Variants in RNLS observed in about 807,000 individuals in gnomAD.
RNLS encodes the protein renalase, FAD dependent amine oxidase.
A neutral mutation model predicts 39.8 loss-of-function variants in RNLS; 39 were observed. That is an observed-to-expected ratio of 0.98 (90% confidence interval 0.76 to 1.28). The LOEUF (loss-of-function observed/expected upper bound fraction) is 1.28. RNLS is among the 50% of genes most tolerant of loss of function. The pLI, the probability that RNLS is intolerant of heterozygous loss-of-function variation, is 0.00. For missense variants in RNLS, 410 were observed against 413.3 expected, an observed-to-expected ratio of 0.99 and a Z score of 0.07; for synonymous variants, 147 against 150.7, an observed-to-expected ratio of 0.98 and a Z score of 0.18.
chr10:88,310,822 AAAAAAG>A (rs1462484552), intron 6 of RNLS, among the ~76,000 whole-genome samples: 9 of 146,122 alleles, frequency 6.2e-5, no homozygotes, highest in Admixed American at 4.7e-4. Flanking sequence ...AAAAAAAAAA[AAAAAAG>A]AAAGAAAAGG....
At chr10:88,257,144 C>A in the RNLS span, among the ~76,000 whole-genome samples, 1 of 152,114 alleles carries the variant, frequency 6.6e-6, no homozygotes, top group Non-Finnish European at 1.5e-5. Flanking sequence ...TCCCCACGTT[C>A]AAAATCAGTT....
Position 88,395,063 on chromosome 10 carries a change from G to C in RNLS, c.527-32338C>G, listed in dbSNP as rs150180134. On this transcript the variant is annotated intron_variant, in intron 4 of 6. Transcript: ENST00000331772. ...TGTTGTGGGGTGGGGGGACGGGAGA[G>C]GGATAGCATTAGGAGATATACCTAA... Among the ~76,000 whole-genome samples, 181 of 152,080 alleles carry C rather than the reference G, an allele frequency of 1.2e-3. 1 individual carries two copies. Among genetic ancestry groups the C allele is most frequent in the Non-Finnish European group, 1.5e-3 (104 of 67,978 alleles).
Position 88,418,972 on chromosome 10 carries a change from G to A in RNLS, c.527-56247C>T, listed in dbSNP as rs959980794. 3.3e-5 allele frequency among the ~76,000 whole-genome samples: 5 copies of A among 152,154 alleles called. 1 individual carries two copies. Among genetic ancestry groups the A allele is most frequent in the Non-Finnish European group, 7.4e-5 (5 of 68,022 alleles). On this transcript the variant is annotated intron_variant, in intron 4 of 6. Transcript: ENST00000331772. ...CTTAATGACTTTGCTCTGAGAGCCT[G>A]GCCTACTTTCTCCTGTTCTCTCTTG...
At chr10:88,422,444 G>C (rs1011919190) in intron 4 of RNLS, among the ~76,000 whole-genome samples, 2 of 152,164 alleles carry the variant, frequency 1.3e-5, no homozygotes, top group East Asian at 1.9e-4. Context: ...ATTAGAAATG[G>C]AATTTTGTGA....
At chr10:88,259,019 A>G in the RNLS span, 6 of 152,256 alleles carry the variant, frequency 3.9e-5, no homozygotes, top group Non-Finnish European at 8.8e-5. Flanking sequence ...GGAGACTTAA[A>G]TCATTCTGTA....
At chr10:88,581,815 A>G in intron 2 of RNLS, 106 bp from the exon 3 acceptor site, 2 of 690,768 alleles carry the variant, frequency 2.9e-6, no homozygotes, top group Non-Finnish European at 4.4e-6. Context: ...TCAAAATCAA[A>G]ATTAGATATC....
In RNLS at chr10:88,359,115, C is replaced by A. The variant is rs1849427583; in HGVS notation, c.700+3437G>T. ...ATCATTTGAGGTCAGGGGTTCAAGA[C>A]CAGACTGGCCAACTTGGTGAAGCCC... On this transcript the variant is annotated intron_variant, in intron 5 of 6. Coordinates refer to ENST00000331772, the MANE Select transcript of RNLS (RefSeq NM_001031709.3). Among the ~76,000 whole-genome samples the A allele has an allele frequency of 6.6e-5, 10 of 152,156 alleles. No individual in the cohort carries two copies. In the South Asian group the frequency reaches 2.1e-3, roughly 32 times the overall value.
At chr10:88,438,550 G>T (rs186122092) in intron 4 of RNLS, among the ~76,000 whole-genome samples, 2 of 152,344 alleles carry the variant, frequency 1.3e-5, no homozygotes, top group African/African-American at 4.8e-5. Context: ...TGTGTAAGAA[G>T]TAATCTTGGT....
downstream of RNLS, among the ~76,000 whole-genome samples, chr10:88,281,259 C>G (rs368709727): frequency 1.6e-4 from 25 of 152,264 alleles, no homozygotes; most frequent in African/African-American, 5.8e-4. Flanking sequence ...AGTTTGGATT[C>G]TGAAGTCAGC....
intron 4 of RNLS, among the ~76,000 whole-genome samples, chr10:88,394,153 A>G (rs1171743656): frequency 6.6e-6 from 1 of 152,202 alleles, no homozygotes; most frequent in Non-Finnish European, 1.5e-5. Flanking sequence ...CATGTCTAAA[A>G]CACCAAAAGC....
chr10:88,233,899 T>A, the RNLS span, among the ~76,000 whole-genome samples: 22 of 151,894 alleles, frequency 1.4e-4, no homozygotes, highest in East Asian at 3.3e-3. Context: ...ATAACAAAGA[T>A]AATAATAATC....
At chr10:88,505,419 CAG>C (rs1564855107) in intron 4 of RNLS, among the ~76,000 whole-genome samples, 1 of 149,728 alleles carries the variant, frequency 6.7e-6, no homozygotes, top group South Asian at 2.1e-4. Context: ...GTGAGTGAGA[CAG>C]AGAAAAACTG....
At chr10:88,284,049 C>A (rs888098214), downstream of RNLS, 4 of 751,668 alleles carry the variant, frequency 5.3e-6, no homozygotes, top group Non-Finnish European at 6.5e-6. Context: ...ATAGAGACTA[C>A]AAATTTCCTT....
At chr10:88,226,392 A>G in the RNLS span, among the ~76,000 whole-genome samples, 12 of 152,318 alleles carry the variant, frequency 7.9e-5, no homozygotes, top group African/African-American at 2.6e-4. Flanking sequence ...AATTTCAGCT[A>G]TCTAAGACTT....
chr10:88,364,418 T>G (rs986012664), intron 4 of RNLS, among the ~76,000 whole-genome samples: 8 of 152,168 alleles, frequency 5.3e-5, no homozygotes, highest in African/African-American at 1.9e-4. Flanking sequence ...TGACCTCATT[T>G]AGTCTTCACA....
At chr10:88,250,817 G>A in the RNLS span, among the ~76,000 whole-genome samples, 1 of 152,168 alleles carries the variant, frequency 6.6e-6, no homozygotes, top group African/African-American at 2.4e-5. Context: ...TCAATAGCTT[G>A]AGATGTCATC....
intron 4 of RNLS, among the ~76,000 whole-genome samples, chr10:88,564,737 T>C (rs1272880199): frequency 2.0e-5 from 3 of 152,248 alleles, no homozygotes; most frequent in South Asian, 2.1e-4. Context: ...AGCACTATTA[T>C]AGAATCAGAA....
chr10:88,289,897 T>G (rs1365731589), intron 6 of RNLS, among the ~76,000 whole-genome samples: 4 of 152,176 alleles, frequency 2.6e-5, no homozygotes, highest in Non-Finnish European at 1.5e-5. Context: ...TGTGCACTGC[T>G]TTAATGACTG....
intron 4 of RNLS, among the ~76,000 whole-genome samples, chr10:88,393,928 A>C (rs1456368732): frequency 6.6e-6 from 1 of 152,232 alleles, no homozygotes; most frequent in Non-Finnish European, 1.5e-5. Context: ...ACCTGACAAA[A>C]ACAAGCAATG....
Sources: allele counts gnomAD v4.1 joint callset (sites outside exome capture counted in the v4.1 genomes callset), GRCh38; gene constraint gnomAD v4.1.1; transcripts MANE v1.5; gene names NCBI Gene and HGNC (gene_info 2026-07-23, HGNC 2026-07-21).